OPHN1: variants seen among roughly 807,000 people sequenced by gnomAD.
OPHN1 encodes the protein oligophrenin 1.
In OPHN1, 11 loss-of-function variants were observed where a neutral mutation model predicts 60.7. The ratio of observed to expected loss-of-function variants is 0.18; its 90% CI spans 0.11 to 0.30. The LOEUF (loss-of-function observed/expected upper bound fraction) is 0.30, where lower values mean the gene tolerates loss of function less well. OPHN1 is among the 10% of genes least tolerant of loss of function. The probability of loss-of-function intolerance (pLI) is 1.00; values close to 1 mark genes in which losing one functional copy is unlikely to be tolerated. For synonymous variants in OPHN1, 226 were observed against 222.6 expected, an observed-to-expected ratio of 1.02 and a Z score of -0.14; for missense variants, 449 against 611.0, an observed-to-expected ratio of 0.73 and a Z score of 2.80.
In OPHN1 at chrX:68,418,602, T is replaced by A. The variant is rs759187396; in HGVS notation, c.154+14265A>T. Among the ~76,000 whole-genome samples the A allele has an allele frequency of 2.6e-4, 29 of 111,734 alleles. No homozygotes were observed. The Admixed American group carries it at 2.8e-3, about 11-fold the overall frequency. The stretch of plus-strand genomic sequence containing the variant: ...CCTTCTATAATACATCATAATATAG[T>A]AAAAAATTTTCCACCTCTAGGAGCC... On this transcript the variant is annotated intron_variant, in intron 2 of 24. Transcript: ENST00000355520.
intron 18 of OPHN1, among the ~76,000 whole-genome samples, chrX:68,099,787 T>A (rs2147408491): frequency 8.9e-6 from 1 of 111,982 alleles, no homozygotes; most frequent in East Asian, 2.8e-4. Flanking sequence ...CTGGATTTTT[T>A]AAATGTTGAA....
Position 68,356,168 on chromosome X carries a change from ATTTATG to A in OPHN1, c.155-57078_155-57073del, listed in dbSNP as rs751631297. Among the ~76,000 whole-genome samples the A allele has an allele frequency of 2.8e-4, 31 of 111,228 alleles. 1 individual carries two copies. In the South Asian group the frequency reaches 0.011, roughly 40 times the overall value. On this transcript the variant is annotated intron_variant, in intron 2 of 24. Coordinates refer to ENST00000355520, the MANE Select transcript of OPHN1 (RefSeq NM_002547.3). ...TTCTGTAGGGGTGTTTTTGGATGAG[ATTTATG>A]TTTATATCAGTGGACTTTGAGTAAA...
At chrX:68,189,081 C>G (rs2077475861) in intron 15 of OPHN1, among the ~76,000 whole-genome samples, 1 of 112,090 alleles carries the variant, frequency 8.9e-6, no homozygotes, top group Non-Finnish European at 1.9e-5. Flanking sequence ...CCATAGGCCT[C>G]TGGCATGGTA....
chrX:68,301,445 C>CAAA (rs56927719), intron 2 of OPHN1, among the ~76,000 whole-genome samples: 24 of 35,255 alleles, frequency 6.8e-4, no homozygotes, highest in East Asian at 2.1e-3. Context: ...GACTCCATCT[C>CAAA]AAAAAAAAAA....
chrX:68,349,605 A>G (rs1030112416), intron 2 of OPHN1, among the ~76,000 whole-genome samples: 2 of 111,905 alleles, frequency 1.8e-5, no homozygotes, highest in African/African-American at 6.5e-5. Flanking sequence ...AGACACATGC[A>G]CACGTATGTT....
chrX:68,402,161 G>A (rs2078717791), intron 2 of OPHN1, among the ~76,000 whole-genome samples: 1 of 110,807 alleles, frequency 9.0e-6, no homozygotes, highest in African/African-American at 3.3e-5. Context: ...GCAGTAAGAA[G>A]GAGCAAGAGA....
intron 12 of OPHN1, among the ~76,000 whole-genome samples, chrX:68,194,996 GAGAAAGAA>G (rs1384796199): frequency 1.6e-5 from 1 of 64,255 alleles, no homozygotes; most frequent in Non-Finnish European, 3.1e-5. Context: ...AAGAGAGAGA[GAGAAAGAA>G]AGGAAGGAAG....
At chrX:68,350,391 CTTTT>C (rs2078401498) in intron 2 of OPHN1, among the ~76,000 whole-genome samples, 1 of 108,060 alleles carries the variant, frequency 9.3e-6, no homozygotes, top group African/African-American at 3.4e-5. Flanking sequence ...CTTTTTCTTT[CTTTT>C]CTTTCTTTCC....
chrX:68,349,202 T>C (rs1602344801), intron 2 of OPHN1, among the ~76,000 whole-genome samples: 2 of 109,795 alleles, frequency 1.8e-5, no homozygotes, highest in East Asian at 5.8e-4. Context: ...CCTAAACAAA[T>C]TAACAAGAAA....
At chrX:68,363,300 T>C (rs1220219105) in intron 2 of OPHN1, among the ~76,000 whole-genome samples, 1 of 110,211 alleles carries the variant, frequency 9.1e-6, no homozygotes, top group Non-Finnish European at 1.9e-5. Flanking sequence ...AAAAATAGGA[T>C]CTATTAACTT....
At chrX:68,079,701 A>C (rs1238323718) in intron 19 of OPHN1, among the ~76,000 whole-genome samples, 2 of 111,780 alleles carry the variant, frequency 1.8e-5, no homozygotes. Context: ...AATATATCTA[A>C]CTAACTGCTC....
intron 20 of OPHN1, among the ~76,000 whole-genome samples, chrX:68,069,805 G>T (rs978577597): frequency 1.8e-5 from 2 of 111,003 alleles, no homozygotes; most frequent in African/African-American, 6.6e-5. Flanking sequence ...AGTGAGCCTT[G>T]TGAAGTTCTG....
chrX:68,105,479 A>T (rs180897211), intron 18 of OPHN1, among the ~76,000 whole-genome samples: 1 of 111,013 alleles, frequency 9.0e-6, no homozygotes, highest in Non-Finnish European at 1.9e-5. Flanking sequence ...ACGCAGCCAT[A>T]AAAAAGGATG....
chrX:68,217,133 C>T (rs755887247), intron 6 of OPHN1, among the ~76,000 whole-genome samples: 49 of 111,690 alleles, frequency 4.4e-4, no homozygotes, highest in Non-Finnish European at 7.4e-4. Context: ...AAGGGGTCAG[C>T]GAGTTCCCTT....
intron 15 of OPHN1, among the ~76,000 whole-genome samples, chrX:68,174,469 CTTTTTTTTTTT>C (rs767690922): frequency 1.3e-5 from 1 of 76,342 alleles, no homozygotes; most frequent in African/African-American, 5.1e-5. Flanking sequence ...TTAACTTATT[CTTTTTTTTTTT>C]TTTTTTTTTG....
rs2078107612 is a variant in OPHN1 at position 68,298,940 on chromosome X, A to G, written c.250+61T>C. ...AGTGCTCTGTATCCACAAATCAAAA[A>G]GACTACATGGTCTCAGGGCTGCCTC... On this transcript the variant is annotated intron_variant, in intron 3 of 24. Coordinates refer to ENST00000355520, the MANE Select transcript of OPHN1 (RefSeq NM_002547.3). 7.0e-6 allele frequency: 5 copies of G among 718,433 alleles called. No homozygotes were observed. The Admixed American group carries it at 1.2e-4, about 17-fold the overall frequency. 59.2% of individuals were successfully genotyped at this position (718,433 alleles called of 1,213,427 possible). A position where few individuals can be genotyped will look rare whatever the true frequency, so the allele number is the denominator to read the frequency against.
intron 2 of OPHN1, among the ~76,000 whole-genome samples, chrX:68,411,139 T>C: frequency 3.4e-5 from 1 of 29,766 alleles, no homozygotes; most frequent in Non-Finnish European, 1.9e-4. Flanking sequence ...TAGCTGGTGC[T>C]TTTATTTTTT....
intron 5 of OPHN1, among the ~76,000 whole-genome samples, chrX:68,272,105 G>A (rs908422927): frequency 9.0e-6 from 1 of 110,796 alleles, no homozygotes; most frequent in Non-Finnish European, 1.9e-5. Flanking sequence ...CATTATCACA[G>A]AGCAGGTATT....
intron 6 of OPHN1, among the ~76,000 whole-genome samples, chrX:68,217,007 T>C (rs1245645081): frequency 8.9e-6 from 1 of 111,771 alleles, no homozygotes; most frequent in East Asian, 2.9e-4. Context: ...TGCATTTCCA[T>C]CTGACATACC....
Sources: gnomAD v4.1 joint callset for allele counts (sites outside exome capture counted in the v4.1 genomes callset) on GRCh38, gnomAD v4.1.1 for gene constraint, MANE v1.5 for transcripts, NCBI Gene and HGNC (gene_info 2026-07-23, HGNC 2026-07-21) for gene names.